The following C1QTNF8 variants were observed in gnomAD, a reference collection of about 807,000 sequenced individuals.
C1QTNF8 encodes the protein C1q and TNF related 8, also known as complement C1q tumor necrosis factor-related protein 8.
In C1QTNF8, 27 loss-of-function variants were observed where a neutral mutation model predicts 19.2. The ratio of observed to expected loss-of-function variants is 1.41; its 90% confidence interval spans 1.04 to 1.94. C1QTNF8 has a LOEUF of 1.94. Among genes scored for constraint, C1QTNF8 ranks in the 30% most tolerant of loss-of-function variants. The pLI is 0.00. For missense variants in C1QTNF8, 484 were observed against 374.4 expected, an observed-to-expected ratio of 1.29 and a Z score of -2.42; for synonymous variants, 208 against 172.8, an observed-to-expected ratio of 1.20 and a Z score of -1.60.
chr16:1,093,419 C>T (rs1596243931), intron 4 of C1QTNF8, 78 bp downstream of exon 4: 2 of 969,734 alleles, frequency 2.1e-6, no homozygotes, highest in East Asian at 2.9e-5. Context: ...CACACCCACA[C>T]CCACCCCCAC....
At chr16:1,091,894 C>G (rs555182002) in intron 4 of C1QTNF8, among the ~76,000 whole-genome samples, 1 of 152,170 alleles carries the variant, frequency 6.6e-6, no homozygotes, top group Admixed American at 6.6e-5. Flanking sequence ...TGGAAGTGAC[C>G]GTCTTCCTTC....
chr16:1,092,502 TG>T (rs1338163604), intron 4 of C1QTNF8, among the ~76,000 whole-genome samples: 3 of 132,244 alleles, frequency 2.3e-5, no homozygotes, highest in Non-Finnish European at 4.8e-5. Flanking sequence ...AACCAATCCC[TG>T]CACACAGTCG....
chr16:1,092,627 C>A (rs1483526845), intron 4 of C1QTNF8, among the ~76,000 whole-genome samples: 1 of 121,332 alleles, frequency 8.2e-6, no homozygotes, highest in African/African-American at 3.6e-5. Flanking sequence ...ACACAGTCGG[C>A]GCTCAACCAA....
Position 1,093,745 on chromosome 16 carries a change from G to T in C1QTNF8, c.515C>A (p.Thr172Asn), listed in dbSNP as rs1567393207. The T allele has an allele frequency of 6.2e-7, 1 of 1,612,286 alleles. No homozygotes were observed. The highest frequency in any genetic ancestry group is 1.7e-5 in the Admixed American group (1 of 59,998). ...CAGGTAGGTCTCCTTGTAGTTCCAG[G>T]TGTGCACGTTGAGGCTGAGGAAGTA... ...GVYFLSLNVH[T>N]WNYKETYLHI... The change falls in exon 4 of 5, where the codon ACC becomes AAC. Residue 172 changes from threonine (T) to asparagine (N), a missense_variant. Physicochemically the swap from Thr to Asn is moderately conservative, Grantham distance 65 (BLOSUM62 0). Coordinates refer to ENST00000328449, the MANE Select transcript of C1QTNF8 (RefSeq NM_207419.3).
rs1407207555 is a variant in C1QTNF8 at position 1,094,777 on chromosome 16, C to T, written c.146G>A (p.Arg49Lys). The change falls in exon 3 of 5, where the codon AGG (arginine) becomes AAG (lysine). Residue 49 changes from arginine (R) to lysine (K), a missense_variant. Physicochemically the swap from Arg to Lys is conservative, Grantham distance 26. Transcript: ENST00000328449. ...YARVSDRDLW[R>K]GDLWRGLPRV... ...AGGCAGCCCCCTCCACAGGTCCCCC[C>T]TCCACAGGTCCCTGTCACTCACCCG... The T allele has an allele frequency of 6.5e-7, 1 of 1,544,210 alleles. No homozygotes were observed. Among genetic ancestry groups the T allele is most frequent in the East Asian group, 2.5e-5 (1 of 39,534 alleles).
At position 1,094,775 on chromosome 16, in the gene C1QTNF8, C is replaced by G; in HGVS notation, c.148G>C (p.Gly50Arg). The change falls in exon 3 of 5, where the codon GGG becomes CGG. Residue 50 changes from glycine to arginine, a missense_variant. Gly to Arg is a moderately radical substitution (Grantham distance 125, BLOSUM62 -2). Coordinates refer to ENST00000328449, the MANE Select transcript of C1QTNF8 (RefSeq NM_207419.3). ...ARVSDRDLWRGDLWRGLPRVR... is the reference protein window; with the variant it reads ...ARVSDRDLWRRDLWRGLPRVR... ...CGAGGCAGCCCCCTCCACAGGTCCC[C>G]CCTCCACAGGTCCCTGTCACTCACC... The G allele has an allele frequency of 6.5e-7, 1 of 1,546,594 alleles. No individual in the cohort carries two copies. The highest frequency in any genetic ancestry group is 8.7e-7 in the Non-Finnish European group (1 of 1,148,726).
chr16:1,094,613 G>A (rs1020086149), intron 3 of C1QTNF8, 102 bp downstream of exon 3: 4 of 898,990 alleles, frequency 4.4e-6, no homozygotes, highest in African/African-American at 3.5e-5. Context: ...GGTGCTCAGC[G>A]TGCCCCTCCC....
Position 1,088,855 on chromosome 16 carries a change from A to G in C1QTNF8, c.*1744T>C, listed in dbSNP as rs1374189017. 1.8e-5 allele frequency among the ~76,000 whole-genome samples: 1 copy of G among 54,186 alleles called. No individual in the cohort carries two copies. The highest frequency in any genetic ancestry group is 2.3e-4 in the East Asian group (1 of 4,360). 35.5% of individuals were successfully genotyped at this position (54,186 alleles called of 152,430 possible). On this transcript the variant is annotated 3_prime_UTR_variant, in exon 5 of 5. Coordinates refer to ENST00000328449, the MANE Select transcript of C1QTNF8 (RefSeq NM_207419.3). ...AGTATCCGCAGCTGCAACTACCTAT[A>G]GGCCACGGCGACGTCTGTGCGGGGA...
chr16:1,091,410 G>C (rs1246335367), intron 4 of C1QTNF8, among the ~76,000 whole-genome samples: 5 of 152,162 alleles, frequency 3.3e-5, no homozygotes, highest in African/African-American at 7.2e-5. Flanking sequence ...GGGCCGGAGG[G>C]GCTGGGAAGA....
intron 3 of C1QTNF8, 112 bp downstream of exon 3, chr16:1,094,603 G>A: frequency 1.2e-6 from 1 of 808,258 alleles, no homozygotes; most frequent in Admixed American, 3.1e-5. Flanking sequence ...GGCAGACACT[G>A]GTGCTCAGCG....
chr16:1,090,902 C>A (rs1005828241), intron 4 of C1QTNF8, among the ~76,000 whole-genome samples: 3 of 152,216 alleles, frequency 2.0e-5, no homozygotes, highest in Non-Finnish European at 2.9e-5. Flanking sequence ...TCCCCCTGAC[C>A]TGGGGGCTGC....
At chr16:1,093,150 C>T (rs1183940493) in intron 4 of C1QTNF8, among the ~76,000 whole-genome samples, 1 of 147,866 alleles carries the variant, frequency 6.8e-6, no homozygotes, top group Admixed American at 6.7e-5. Flanking sequence ...AATCACAGCA[C>T]ACAGTCGGCG....
Position 1,093,769 on chromosome 16 carries a change from T to TAGACGC in C1QTNF8, c.485_490dup (p.Val163_Tyr164insCysVal), listed in dbSNP as rs773983101. On this transcript the variant is annotated inframe_insertion, in exon 4 of 5. Coordinates refer to ENST00000328449, the MANE Select transcript of C1QTNF8 (RefSeq NM_207419.3). Reference sequence around the variant, plus strand: ...GGTGTGCACGTTGAGGCTGAGGAAGTAGACGCCGGGCACCGTGCAGAGGAA... The same window carrying TAGACGC: ...GGTGTGCACGTTGAGGCTGAGGAAGTAGACGCAGACGCCGGGCACCGTGCAGAGGAA... The TAGACGC allele has an allele frequency of 6.2e-7, 1 of 1,612,102 alleles. No individual in the cohort carries two copies. The highest frequency in any genetic ancestry group is 8.5e-7 in the Non-Finnish European group (1 of 1,179,650).
chr16:1,090,894 C>T (rs1410046083), intron 4 of C1QTNF8, among the ~76,000 whole-genome samples: 1 of 152,246 alleles, frequency 6.6e-6, no homozygotes, highest in Non-Finnish European at 1.5e-5. Context: ...AGACAAGGTC[C>T]CCCTGACCTG....
In C1QTNF8 at chr16:1,093,819, G is replaced by T. The variant is rs374098565; in HGVS notation, c.441C>A (p.Gly147=). ...PFDTELVNLD[G]AFDLAAGRFL... is the part of the protein sequence containing the mutation. ...AGCGGCCCGCGGCCAGGTCGAAGGC[G>T]CCGTCCAGGTTCACCAGCTCCGTGT... The change falls in exon 4 of 5, where the codon GGC becomes GGA. Residue 147 remains glycine, a synonymous_variant. Coordinates refer to ENST00000328449, the MANE Select transcript of C1QTNF8 (RefSeq NM_207419.3). The T allele has an allele frequency of 2.1e-5, 33 of 1,609,664 alleles. No homozygotes were observed. Among genetic ancestry groups the T allele is most frequent in the African/African-American group, 9.3e-5 (7 of 74,922 alleles).
At chr16:1,094,617 CCCTCCCGCCCCT>C (rs1490087456) in intron 3 of C1QTNF8, 86 bp downstream of exon 3, 2 of 964,580 alleles carry the variant, frequency 2.1e-6, no homozygotes, top group Non-Finnish European at 3.0e-6. Context: ...CTCAGCGTGC[CCCTCCCGCCCCT>C]CCTCCCAAGC....
Position 1,088,242 on chromosome 16 carries a change from T to C in C1QTNF8, c.*2357A>G, listed in dbSNP as rs556127344. Among the ~76,000 whole-genome samples the C allele has an allele frequency of 1.2e-4, 18 of 152,222 alleles. No homozygotes were observed. Among genetic ancestry groups the C allele is most frequent in the Non-Finnish European group, 1.9e-4 (13 of 68,038 alleles). On this transcript the variant is annotated 3_prime_UTR_variant, in exon 5 of 5. Transcript: ENST00000328449. Reference sequence around the variant, plus strand: ...TTTCACCTAAACATTTAAAATTGGATTTTTACTGGAATTCCACTAAACGGA... The same window carrying C: ...TTTCACCTAAACATTTAAAATTGGACTTTTACTGGAATTCCACTAAACGGA...
At position 1,090,007 on chromosome 16, in the gene C1QTNF8, G is replaced by A. The variant is rs1960511494; in HGVS notation, c.*592C>T. On this transcript the variant is annotated 3_prime_UTR_variant, in exon 5 of 5. Transcript: ENST00000328449. Reference sequence around the variant, plus strand: ...CCTGAGGCCCCGCCCACCTCAGTGTGGGGCGAAGGAGAGGGAAGGTTCCGG... The same window carrying A: ...CCTGAGGCCCCGCCCACCTCAGTGTAGGGCGAAGGAGAGGGAAGGTTCCGG... The A allele has an allele frequency of 6.6e-6, 1 of 152,408 alleles. No homozygotes were observed. Among genetic ancestry groups the A allele is most frequent in the African/African-American group, 2.4e-5 (1 of 41,466 alleles). 9.4% of individuals were successfully genotyped at this position (152,408 alleles called of 1,614,324 possible).
At position 1,094,057 on chromosome 16, in the gene C1QTNF8, G is replaced by A. The variant is rs1960633903; in HGVS notation, c.209-6C>T. On this transcript the variant is annotated splice_region_variant and splice_polypyrimidine_tract_variant and intron_variant, in intron 3 of 4. Coordinates refer to ENST00000328449, the MANE Select transcript of C1QTNF8 (RefSeq NM_207419.3). ...GCCGGCCTCACCCTTCTCACCTGCA[G>A]GGGACAAACGAAAGCCACGGGTCGG... The A allele has an allele frequency of 7.0e-7, 1 of 1,438,042 alleles. No homozygotes were observed. The highest frequency in any genetic ancestry group is 1.5e-5 in the South Asian group (1 of 65,042). 89.1% of individuals were successfully genotyped at this position (1,438,042 alleles called of 1,614,324 possible). A position where few individuals can be genotyped will look rare whatever the true frequency, so the allele number is the denominator to read the frequency against.
Sources: allele counts gnomAD v4.1 joint callset (sites outside exome capture counted in the v4.1 genomes callset), GRCh38; gene constraint gnomAD v4.1.1; transcripts MANE v1.5; gene names NCBI Gene and HGNC (gene_info 2026-07-23, HGNC 2026-07-21).